Variants in MAPK10 observed in about 807,000 individuals in gnomAD.
MAPK10 encodes the protein JNK3 alpha protein kinase.
In MAPK10, 25 loss-of-function variants were observed where a neutral mutation model predicts 59.3. The observed-to-expected ratio is 0.42, with a 90% CI of 0.31 to 0.59. MAPK10 has a LOEUF of 0.59. Ranked by LOEUF, MAPK10 falls within the 20% of genes least tolerant of loss-of-function variation. The pLI, the probability that MAPK10 is intolerant of heterozygous loss-of-function variation, is 0.15. For missense variants in MAPK10, 351 were observed against 568.9 expected (o/e 0.62, Z 3.90); for synonymous variants, 190 against 200.5 (o/e 0.95, Z 0.44).
chr4:86,278,031 CAA>C (rs2094648270), intron 2 of MAPK10, among the ~76,000 whole-genome samples: 1 of 151,914 alleles, frequency 6.6e-6, no homozygotes. Context: ...GTAAAACATA[CAA>C]AAGAGGATGG....
chr4:86,384,724 G>A (rs1016976010), intron 1 of MAPK10, among the ~76,000 whole-genome samples: 5 of 152,130 alleles, frequency 3.3e-5, no homozygotes, highest in Non-Finnish European at 7.3e-5. Context: ...GCCAACTGTA[G>A]GATTAGATGT....
intron 2 of MAPK10, chr4:86,332,445 A>G (rs575251564): frequency 6.6e-6 from 1 of 152,324 alleles, no homozygotes; most frequent in South Asian, 2.1e-4. Flanking sequence ...CATTCAATGT[A>G]AAAGTGTTCT....
intron 3 of MAPK10, among the ~76,000 whole-genome samples, chr4:86,185,158 C>T (rs1460589041): frequency 6.6e-6 from 1 of 152,044 alleles, no homozygotes; most frequent in Non-Finnish European, 1.5e-5. Flanking sequence ...TGTGAACTGG[C>T]CCCAGCAGGA....
chr4:86,364,442 T>C (rs953673353), upstream of MAPK10, among the ~76,000 whole-genome samples: 6 of 152,142 alleles, frequency 3.9e-5, no homozygotes, highest in Non-Finnish European at 5.9e-5. Flanking sequence ...TGAAACTCTT[T>C]TGAAGTATTT....
At chr4:86,559,937 C>CAAAAAAAAAAAAAAAAAAAA (rs368858392) in intron 1 of MAPK10, among the ~76,000 whole-genome samples, 1 of 124,432 alleles carries the variant, frequency 8.0e-6, no homozygotes, top group Non-Finnish European at 1.7e-5. Flanking sequence ...GACTTTGTCT[C>CAAAAAAAAAAAAAAAAAAAA]AAAAAAAAAA....
At chr4:86,031,006 A>G (rs2038896047) in intron 12 of MAPK10, among the ~76,000 whole-genome samples, 1 of 152,206 alleles carries the variant, frequency 6.6e-6, no homozygotes, top group Non-Finnish European at 1.5e-5. Context: ...TTTTAATTTC[A>G]TGCTTCATAT....
chr4:86,034,325 T>C (rs907733950), intron 11 of MAPK10, among the ~76,000 whole-genome samples: 5 of 152,214 alleles, frequency 3.3e-5, no homozygotes, highest in African/African-American at 1.2e-4. Context: ...CAAATTTATA[T>C]GGATTGCATA....
At position 86,293,023 on chromosome 4, in the gene MAPK10, T is replaced by C. The variant is rs745851348; in HGVS notation, c.-7+61507A>G. The stretch of plus-strand genomic sequence containing the variant: ...GCAGAGCACTCATCTAACCTAAATG[T>C]TTTTCTCTCCACATCTACAAATACA... On this transcript the variant is annotated intron_variant, in intron 2 of 13. Transcript: ENST00000641462. Among the ~76,000 whole-genome samples, 94 of 152,272 alleles carry C rather than the reference T, an allele frequency of 6.2e-4. 2 individuals are homozygous for C. Among genetic ancestry groups the C allele is most frequent in the Admixed American group, 4.4e-3 (68 of 15,302 alleles).
chr4:86,069,160 A>C (rs1484074878), intron 9 of MAPK10, among the ~76,000 whole-genome samples: 1 of 152,164 alleles, frequency 6.6e-6, no homozygotes, highest in African/African-American at 2.4e-5. Context: ...TCCTGATTAA[A>C]GATAAACTTA....
intron 1 of MAPK10, among the ~76,000 whole-genome samples, chr4:86,475,006 C>G (rs1220830376): frequency 6.6e-6 from 1 of 152,126 alleles, no homozygotes; most frequent in Non-Finnish European, 1.5e-5. Context: ...CAAAAAGCTC[C>G]CCGACTGAGC....
chr4:86,204,913 T>A (rs973866776), intron 2 of MAPK10, among the ~76,000 whole-genome samples: 2 of 152,010 alleles, frequency 1.3e-5, no homozygotes, highest in Non-Finnish European at 2.9e-5. Context: ...TATAAAAAAA[T>A]GTTCTTTCCA....
chr4:86,573,413 T>C (rs1761617266), intron 1 of MAPK10, among the ~76,000 whole-genome samples: 3 of 152,208 alleles, frequency 2.0e-5, no homozygotes, highest in Admixed American at 6.5e-5. Context: ...ATCATTTAAT[T>C]GAATATATGT....
chr4:86,369,679 A>G (rs1738457162), intron 1 of MAPK10, among the ~76,000 whole-genome samples: 1 of 152,230 alleles, frequency 6.6e-6, no homozygotes, highest in Non-Finnish European at 1.5e-5. Context: ...TTTGACAAGG[A>G]AACAGGAAAA....
chr4:86,297,659 A>G (rs2095392311), intron 2 of MAPK10, among the ~76,000 whole-genome samples: 1 of 152,210 alleles, frequency 6.6e-6, no homozygotes, highest in Non-Finnish European at 1.5e-5. Context: ...TACAATAAAA[A>G]TGATCACTAA....
chr4:86,544,078 G>A (rs1311102001), intron 1 of MAPK10, among the ~76,000 whole-genome samples: 1 of 152,168 alleles, frequency 6.6e-6, no homozygotes, highest in Non-Finnish European at 1.5e-5. Flanking sequence ...GGGAGAGAAT[G>A]GGGAATGTGG....
intron 1 of MAPK10, among the ~76,000 whole-genome samples, chr4:86,481,489 A>G (rs1304075363): frequency 6.6e-6 from 1 of 151,514 alleles, no homozygotes; most frequent in African/African-American, 2.4e-5. Context: ...CTGTTTCTAC[A>G]CCATGTAGCC....
chr4:86,206,505 T>C (rs1408368819), intron 2 of MAPK10, among the ~76,000 whole-genome samples: 2 of 152,138 alleles, frequency 1.3e-5, no homozygotes, highest in African/African-American at 4.8e-5. Context: ...GCAATAAACA[T>C]ACGTGTGCAT....
chr4:86,155,198 A>G (rs1264716807), intron 4 of MAPK10, among the ~76,000 whole-genome samples: 1 of 151,922 alleles, frequency 6.6e-6, no homozygotes, highest in Non-Finnish European at 1.5e-5. Context: ...ACTTTTTTTC[A>G]AAGAAGAATA....
intron 2 of MAPK10, among the ~76,000 whole-genome samples, chr4:86,216,529 T>C (rs949245641): frequency 2.6e-5 from 4 of 151,712 alleles, no homozygotes; most frequent in Non-Finnish European, 5.9e-5. Flanking sequence ...AAGATTTAAA[T>C]AGCAATGCCA....
Sources: allele counts gnomAD v4.1 joint callset (sites outside exome capture counted in the v4.1 genomes callset), GRCh38; gene constraint gnomAD v4.1.1; transcripts MANE v1.5; gene names NCBI Gene and HGNC (gene_info 2026-07-23, HGNC 2026-07-21).